PLB1: variants seen among roughly 807,000 people sequenced by gnomAD.
PLB1 encodes phospholipase B1, membrane-associated.
In PLB1, 242 loss-of-function variants were observed where a neutral mutation model predicts 227.4. The observed-to-expected ratio is 1.06, with a 90% CI of 0.96 to 1.18. The LOEUF is 1.18. Ranked by LOEUF, PLB1 falls within the 50% of genes most tolerant of loss-of-function variation. PLB1 has a pLI of 0.00. For missense variants in PLB1, 1,858 were observed against 1,816.3 expected (o/e 1.02, Z -0.42); for synonymous variants, 757 against 682.2 (o/e 1.11, Z -1.71).
chr2:28,540,337 T>C (rs1449804809), intron 11 of PLB1, 29 bp from the exon 12 acceptor site: 1 of 1,603,104 alleles, frequency 6.2e-7, no homozygotes, highest in Non-Finnish European at 8.5e-7. Flanking sequence ...GCCTCCCCTC[T>C]CTCATTCCTG....
In PLB1 at chr2:28,543,271, G is replaced by A. The variant is rs1195653653; in HGVS notation, c.936+3G>A. Reference sequence around the variant, plus strand: ...CCTGGCATCTCTGGAATAGGATGGTGAGTAGATGGGGCCTGGGGTGGGGCC... The same window carrying A: ...CCTGGCATCTCTGGAATAGGATGGTAAGTAGATGGGGCCTGGGGTGGGGCC... On this transcript the variant is annotated splice_donor_region_variant and intron_variant, in intron 14 of 57. Coordinates refer to ENST00000327757, the MANE Select transcript of PLB1 (RefSeq NM_153021.5). 1.9e-6 allele frequency: 3 copies of A among 1,611,454 alleles called. No individual in the cohort carries two copies. The highest frequency in any genetic ancestry group is 2.2e-5 in the East Asian group (1 of 44,826).
chr2:28,595,484 A>G (rs1682755350), intron 33 of PLB1: 1 of 152,206 alleles, frequency 6.6e-6, no homozygotes, highest in Non-Finnish European at 1.5e-5. Context: ...CTGAGGGGGA[A>G]ACATTACCAT....
chr2:28,523,490 C>G (rs889590053), intron 4 of PLB1, among the ~76,000 whole-genome samples: 8 of 152,142 alleles, frequency 5.3e-5, no homozygotes, highest in African/African-American at 1.9e-4. Context: ...ATAAGGCACA[C>G]ATTCAGCAAA....
chr2:28,611,759 C>T (rs1685489455), intron 43 of PLB1, among the ~76,000 whole-genome samples: 1 of 152,160 alleles, frequency 6.6e-6, no homozygotes, highest in South Asian at 2.1e-4. Context: ...CTACATGGAC[C>T]TGCCACCATA....
intron 11 of PLB1, 106 bp downstream of exon 11, chr2:28,539,284 CAG>C: frequency 1.9e-6 from 2 of 1,068,520 alleles, no homozygotes; most frequent in Admixed American, 3.9e-5. Flanking sequence ...CCCTAAAGAA[CAG>C]AGGCCAAAGG....
At chr2:28,562,631 T>C (rs1676248154) in intron 17 of PLB1, among the ~76,000 whole-genome samples, 1 of 151,860 alleles carries the variant, frequency 6.6e-6, no homozygotes, top group African/African-American at 2.4e-5. Flanking sequence ...GATGTAATAT[T>C]TTATCCCAAA....
intron 21 of PLB1, among the ~76,000 whole-genome samples, chr2:28,576,989 A>C (rs1042506967): frequency 2.6e-5 from 4 of 152,214 alleles, no homozygotes; most frequent in Admixed American, 2.0e-4. Flanking sequence ...GGACTTTGTC[A>C]ATGATGATGG....
intron 19 of PLB1, among the ~76,000 whole-genome samples, chr2:28,566,152 G>A (rs1676859468): frequency 6.6e-6 from 1 of 152,108 alleles, no homozygotes; most frequent in Admixed American, 6.6e-5. Flanking sequence ...CCTGAGTGCC[G>A]AGTCTCTGGC....
At chr2:28,596,359 T>G (rs1682914724) in intron 33 of PLB1, among the ~76,000 whole-genome samples, 2 of 152,262 alleles carry the variant, frequency 1.3e-5, no homozygotes, top group African/African-American at 4.8e-5. Context: ...ATAATCCTTT[T>G]CTTCTGGAAG....
chr2:28,591,336 G>A (rs369067246), intron 30 of PLB1, among the ~76,000 whole-genome samples, 165 bp downstream of exon 30: 4 of 152,222 alleles, frequency 2.6e-5, no homozygotes, highest in East Asian at 1.9e-4. Flanking sequence ...AGTAAATGCC[G>A]TGGATAACAG....
At chr2:28,551,348 C>T (rs1674222879) in intron 16 of PLB1, among the ~76,000 whole-genome samples, 1 of 152,228 alleles carries the variant, frequency 6.6e-6, no homozygotes, top group Non-Finnish European at 1.5e-5. Flanking sequence ...CCCTGCACTC[C>T]TCTGGGAAAG....
At chr2:28,542,009 T>C (rs1672567224) in intron 13 of PLB1, among the ~76,000 whole-genome samples, 198 bp downstream of exon 13, 1 of 151,960 alleles carries the variant, frequency 6.6e-6, no homozygotes, top group African/African-American at 2.4e-5. Flanking sequence ...GGTGGGCGCC[T>C]GTAATCCCAG....
chr2:28,603,877 TC>T, intron 39 of PLB1, 88 bp from the exon 40 acceptor site: 1 of 1,251,292 alleles, frequency 8.0e-7, no homozygotes. Flanking sequence ...AGGGAGCCTC[TC>T]CACCCCTCCC....
intron 1 of PLB1, among the ~76,000 whole-genome samples, chr2:28,497,494 G>A (rs371271037): frequency 6.6e-6 from 1 of 152,166 alleles, no homozygotes; most frequent in Non-Finnish European, 1.5e-5. Context: ...CTAGAGGCAC[G>A]GCATCTGAAG....
chr2:28,499,845 A>G (rs867161367), intron 1 of PLB1, among the ~76,000 whole-genome samples: 33 of 152,044 alleles, frequency 2.2e-4, no homozygotes, highest in African/African-American at 7.0e-4. Flanking sequence ...AGATTGCACC[A>G]CCGTACTCCA....
chr2:28,595,500 T>G (rs2280732), intron 33 of PLB1: 26,985 of 152,032 alleles, frequency 0.18, 2,542 homozygotes, highest in East Asian at 0.29. Context: ...ACCATAACCT[T>G]CCTTTGGGGA....
At chr2:28,591,537 G>A (rs561938740) in intron 30 of PLB1, among the ~76,000 whole-genome samples, 163 bp from the exon 31 acceptor site, 10 of 152,322 alleles carry the variant, frequency 6.6e-5, no homozygotes, top group Non-Finnish European at 1.3e-4. Context: ...TGGCCGCTAC[G>A]CAAAATCACC....
chr2:28,497,871 G>A (rs1260535248), intron 1 of PLB1, among the ~76,000 whole-genome samples: 1 of 151,878 alleles, frequency 6.6e-6, no homozygotes, highest in Non-Finnish European at 1.5e-5. Context: ...GGTGCCTGCC[G>A]CCGTGCCTGG....
rs556998881 is a variant in PLB1 at position 28,502,590 on chromosome 2, T to C, written c.55+6421T>C. 1.5e-4 allele frequency among the ~76,000 whole-genome samples: 23 copies of C among 152,324 alleles called. No individual in the cohort carries two copies. In the South Asian group the frequency reaches 4.3e-3, roughly 29 times the overall value. ...TGCTGGCGTAAAATCAAGTTGATCA[T>C]GGTGTATCTCTTTCCTTATATTGCT... is the stretch of plus-strand genomic sequence containing the variant. On this transcript the variant is annotated intron_variant, in intron 1 of 57. Transcript: ENST00000327757.
Sources: gnomAD v4.1 joint callset for allele counts (sites outside exome capture counted in the v4.1 genomes callset) on GRCh38, gnomAD v4.1.1 for gene constraint, MANE v1.5 for transcripts, NCBI Gene and HGNC (gene_info 2026-07-23, HGNC 2026-07-21) for gene names.